CYFIP2: variants seen among roughly 807,000 people sequenced by gnomAD.
CYFIP2 encodes the protein cytoplasmic FMR1-interacting protein 2.
In CYFIP2, 29 loss-of-function variants were observed where a neutral mutation model predicts 158.7. The observed-to-expected ratio is 0.18, with a 90% confidence interval of 0.14 to 0.25. The LOEUF is 0.25. Ranked by LOEUF, CYFIP2 falls within the 10% of genes least tolerant of loss-of-function variation. CYFIP2 has a pLI of 1.00. For synonymous variants in CYFIP2, 585 were observed against 617.6 expected (o/e 0.95, Z 0.78); for missense variants, 852 against 1,639.5 (o/e 0.52, Z 8.29).
At position 157,311,300 on chromosome 5, in the gene CYFIP2, GT is replaced by G; in HGVS notation, c.993-360del. 2.7e-6 allele frequency: 1 copy of G among 371,170 alleles called. No homozygotes were observed. Among genetic ancestry groups the G allele is most frequent in the Non-Finnish European group, 5.2e-6 (1 of 190,964 alleles). 23.0% of individuals were successfully genotyped at this position (371,170 alleles called of 1,614,324 possible). ...CTGTGCTGTCAGAGTGGGTAGGCTGGTTTTGGAGGTTGCCCACCTTGCTTTT... is the reference window on the plus strand; with the variant it reads ...CTGTGCTGTCAGAGTGGGTAGGCTGGTTTGGAGGTTGCCCACCTTGCTTTT... On this transcript the variant is annotated intron_variant, in intron 10 of 30. Transcript: ENST00000620254. This position sits in a 1 kb window ranked among gnomAD's most constrained non-coding sequence, Gnocchi z 4.7.
intron 1 of CYFIP2, among the ~76,000 whole-genome samples, chr5:157,279,490 G>A (rs942040227): frequency 6.6e-5 from 10 of 152,156 alleles, no homozygotes; most frequent in African/African-American, 2.2e-4. Context: ...CCTGGCAGTC[G>A]CCCTGCATTT....
At chr5:157,305,433 T>C (rs766793250) in intron 8 of CYFIP2, among the ~76,000 whole-genome samples, 1 of 152,260 alleles carries the variant, frequency 6.6e-6, no homozygotes, top group Non-Finnish European at 1.5e-5. Flanking sequence ...ATATGTATTG[T>C]TTTGGAAAAT....
At chr5:157,316,098 T>A (rs1043624397) in intron 13 of CYFIP2, among the ~76,000 whole-genome samples, 1 of 149,936 alleles carries the variant, frequency 6.7e-6, no homozygotes, top group African/African-American at 2.5e-5. Flanking sequence ...TTAAAAAAAA[T>A]AAATAAATAA....
chr5:157,284,678 G>A (rs554477550), intron 1 of CYFIP2, among the ~76,000 whole-genome samples: 18 of 152,300 alleles, frequency 1.2e-4, no homozygotes, highest in South Asian at 8.3e-4. Context: ...AAGCAGCTGC[G>A]CTGTGCCAGG....
At position 157,361,451 on chromosome 5, in the gene CYFIP2, C is replaced by T. The variant is rs746585455; in HGVS notation, c.2909-17C>T. ...GCAGTGTCAACTTCCCACTGACCACCCCGATTCACCTCCCAGGGATCCTGG... is the reference window on the plus strand; with the variant it reads ...GCAGTGTCAACTTCCCACTGACCACTCCGATTCACCTCCCAGGGATCCTGG... On this transcript the variant is annotated splice_polypyrimidine_tract_variant and intron_variant, in intron 25 of 30. Transcript: ENST00000620254. The surrounding 1 kb of genome is among the most constrained non-coding windows in gnomAD (Gnocchi z 4.4). 2.5e-6 allele frequency: 4 copies of T among 1,613,518 alleles called. No individual in the cohort carries two copies. Among genetic ancestry groups the T allele is most frequent in the Middle Eastern group, 1.7e-4 (1 of 5,934 alleles).
chr5:157,364,192 G>C (rs1025267339), intron 26 of CYFIP2: 5 of 86,280 alleles, frequency 5.8e-5, no homozygotes, highest in Admixed American at 9.2e-5. Flanking sequence ...CAGTGGAGGT[G>C]GGGCGGGGTG....
At chr5:157,382,484 T>G (rs1304888981) in intron 26 of CYFIP2, 106 bp from the exon 27 acceptor site, 32 of 1,194,006 alleles carry the variant, frequency 2.7e-5, no homozygotes, top group Non-Finnish European at 6.0e-6. Context: ...GAGCCAGGAT[T>G]TGAACCCAGG....
Position 157,393,206 on chromosome 5 carries a change from T to TTA in CYFIP2, c.*206_*207insTA. The TTA allele has an allele frequency of 1.6e-4, 50 of 304,594 alleles. No individual in the cohort carries two copies. Among genetic ancestry groups the TTA allele is most frequent in the Middle Eastern group, 7.9e-4 (1 of 1,266 alleles). 18.9% of individuals were successfully genotyped at this position (304,594 alleles called of 1,614,324 possible). ...CATGCTGGTTTCTCCATAGCATAAA[T>TTA]GAAAAAAAAAAAAAAAAAGTAAACA... is the stretch of plus-strand genomic sequence containing the variant. On this transcript the variant is annotated 3_prime_UTR_variant, in exon 31 of 31. Transcript: ENST00000620254.
chr5:157,280,581 A>G lies in CYFIP2; in HGVS notation c.-23-4758A>G, dbSNP rs370449633. On this transcript the variant is annotated intron_variant, in intron 1 of 30. Transcript: ENST00000620254. ...AGAAGAAACCTAGTTACAGGAGAAA[A>G]AAAGGGAAGTTGGATAAGAGCTGGG... Among the ~76,000 whole-genome samples, 78 of 152,214 alleles carry G rather than the reference A, an allele frequency of 5.1e-4. 1 individual carries two copies. In the South Asian group the frequency reaches 0.016, roughly 31 times the overall value.
At chr5:157,289,975 G>A (rs762086855) in intron 3 of CYFIP2, among the ~76,000 whole-genome samples, 2 of 152,148 alleles carry the variant, frequency 1.3e-5, no homozygotes, top group Admixed American at 6.5e-5. Flanking sequence ...TACACTGCAG[G>A]CATTCAAGGC....
At chr5:157,320,526 TG>T (rs1760508531) in intron 14 of CYFIP2, 128 bp from the exon 15 acceptor site, 11 of 1,233,226 alleles carry the variant, frequency 8.9e-6, no homozygotes, top group Non-Finnish European at 1.2e-5. Flanking sequence ...GAAATGAGCA[TG>T]CTTTACAAGC....
intron 1 of CYFIP2, among the ~76,000 whole-genome samples, chr5:157,276,615 A>AAG (rs1252381008): frequency 1.4e-4 from 21 of 152,334 alleles, no homozygotes; most frequent in African/African-American, 5.1e-4. Context: ...CCTAAGAGAT[A>AAG]GGAACTATCA....
Position 157,266,137 on chromosome 5 carries a change from CCCGGCGCGGGGCCCTGCGGT to C in CYFIP2, c.-81_-62del, listed in dbSNP as rs1755569933. ...CGGAGCGGGGCAGAGCATCCTGCGC[CCCGGCGCGGGGCCCTGCGGT>C]AGCCTCAGGCCCCTCCCCTGGACCC... is the stretch of plus-strand genomic sequence containing the variant. On this transcript the variant is annotated 5_prime_UTR_variant, in exon 1 of 31. Coordinates refer to ENST00000620254, the MANE Select transcript of CYFIP2 (RefSeq NM_001037333.3). This position sits in a 1 kb window ranked among gnomAD's most constrained non-coding sequence, Gnocchi z 4.2. 6.6e-6 allele frequency: 1 copy of C among 150,708 alleles called. No individual in the cohort carries two copies. Among genetic ancestry groups the C allele is most frequent in the South Asian group, 2.0e-4 (1 of 5,066 alleles). 9.3% of individuals were successfully genotyped at this position (150,708 alleles called of 1,614,324 possible). A position where few individuals can be genotyped will look rare whatever the true frequency, so the allele number is the denominator to read the frequency against.
intron 26 of CYFIP2, chr5:157,375,670 AGTGT>A: frequency 7.3e-6 from 1 of 137,374 alleles, no homozygotes; most frequent in East Asian, 2.1e-4. Context: ...AGCTGTTGTT[AGTGT>A]ATTTTATTTT....
chr5:157,285,277 G>A (rs1002688153), intron 1 of CYFIP2, 62 bp from the exon 2 acceptor site: 95 of 1,109,362 alleles, frequency 8.6e-5, no homozygotes, highest in Middle Eastern at 2.0e-4. Context: ...GTCATGGTGC[G>A]GTTAAGAGGA....
intron 23 of CYFIP2, among the ~76,000 whole-genome samples, chr5:157,357,659 C>T (rs1310050583): frequency 2.0e-5 from 3 of 151,918 alleles, no homozygotes; most frequent in African/African-American, 7.3e-5. Context: ...TGAAACCCCA[C>T]CTCTACTAAA....
chr5:157,302,602 G>A (rs1561706484), intron 6 of CYFIP2, among the ~76,000 whole-genome samples, 192 bp from the exon 7 acceptor site: 1 of 152,322 alleles, frequency 6.6e-6, no homozygotes, highest in East Asian at 1.9e-4. Context: ...TTACAAGGGT[G>A]TAGACAGCCC....
chr5:157,390,675 A>T lies in CYFIP2; in HGVS notation c.3594+7A>T. The T allele has an allele frequency of 6.3e-7, 1 of 1,581,564 alleles. No homozygotes were observed. The highest frequency in any genetic ancestry group is 1.3e-5 in the African/African-American group (1 of 74,562). ...TGAAATCATTAAGAATGTGGTGAGCAGGCTGGTGGCTAAGGCCTGGGAGGT... is the reference window on the plus strand; with the variant it reads ...TGAAATCATTAAGAATGTGGTGAGCTGGCTGGTGGCTAAGGCCTGGGAGGT... On this transcript the variant is annotated splice_region_variant and intron_variant, in intron 30 of 30. Transcript: ENST00000620254.
chr5:157,302,303 G>A (rs1207752965), intron 6 of CYFIP2, among the ~76,000 whole-genome samples: 1 of 152,180 alleles, frequency 6.6e-6, no homozygotes, highest in Non-Finnish European at 1.5e-5. Flanking sequence ...CTGCGATTCT[G>A]TGAGGTTCCA....
Sources: gnomAD v4.1 joint callset for allele counts (sites outside exome capture counted in the v4.1 genomes callset) on GRCh38, gnomAD v4.1.1 for gene constraint, Gnocchi (gnomAD v3.1) non-coding constraint, MANE v1.5 for transcripts, NCBI Gene and HGNC (gene_info 2026-07-23, HGNC 2026-07-21) for gene names.